The following B4GALNT3 variants were observed in gnomAD, a reference collection of about 807,000 sequenced individuals.
B4GALNT3 encodes beta-1,4-N-acetyl-galactosaminyltransferase 3.
Under a neutral mutation model 120.2 loss-of-function variants are expected in B4GALNT3, and 86 were observed. The ratio of observed to expected loss-of-function variants is 0.72; its 90% CI spans 0.60 to 0.86. The LOEUF is 0.86. Ranked by LOEUF, B4GALNT3 falls within the 40% of genes least tolerant of loss-of-function variation. The pLI, the probability that B4GALNT3 is intolerant of heterozygous loss-of-function variation, is 0.00. For synonymous variants in B4GALNT3, 518 were observed against 510.4 expected, an observed-to-expected ratio of 1.01 and a Z score of -0.20; for missense variants, 1,167 against 1,298.9, an observed-to-expected ratio of 0.90 and a Z score of 1.56.
chr12:557,391 G>A (rs2075028), intron 15 of B4GALNT3, among the ~76,000 whole-genome samples: 14,842 of 152,142 alleles, frequency 0.098, 1,027 homozygotes, highest in East Asian at 0.23. Context: ...AGGAGGGAAC[G>A]TGGGGAGCAG....
Position 556,737 on chromosome 12 carries a change from C to G in B4GALNT3, c.2251C>G (p.Gln751Glu). 6.2e-7 allele frequency: 1 copy of G among 1,612,802 alleles called. No homozygotes were observed. Among genetic ancestry groups the G allele is most frequent in the South Asian group, 1.1e-5 (1 of 90,918 alleles). ...GGAGGAGGTCGAGGCCCGGAACCTG[C>G]AAGGCCTGGTCTGGGACCCACACAA... ...GGEEVEARNL[Q>E]GLVWDPHNRR... is the part of the protein sequence containing the mutation. The change falls in exon 15 of 20, where the codon CAA becomes GAA. Residue 751 changes from glutamine to glutamate, a missense_variant. Physicochemically the swap from Gln to Glu is conservative, Grantham distance 29 (BLOSUM62 2). Coordinates refer to ENST00000266383, the MANE Select transcript of B4GALNT3 (RefSeq NM_173593.4).
intron 1 of B4GALNT3, among the ~76,000 whole-genome samples, chr12:469,851 T>A (rs1030801713): frequency 1.3e-5 from 2 of 152,174 alleles, no homozygotes; most frequent in Non-Finnish European, 2.9e-5. Flanking sequence ...GGGGTCTCAC[T>A]ATGTTGCTCA....
chr12:539,224 T>C (rs1382381438), intron 3 of B4GALNT3, among the ~76,000 whole-genome samples: 2 of 152,218 alleles, frequency 1.3e-5, no homozygotes, highest in Non-Finnish European at 2.9e-5. Flanking sequence ...CTGGGCTTCA[T>C]GGAGTGACTG....
At chr12:545,516 G>A (rs1393536815) in intron 6 of B4GALNT3, 47 bp downstream of exon 6, 10 of 1,504,014 alleles carry the variant, frequency 6.6e-6, no homozygotes, top group African/African-American at 1.4e-5. Context: ...CCTGGAGCCT[G>A]TTCATTGAGT....
chr12:483,125 G>A (rs1798559531), intron 1 of B4GALNT3, among the ~76,000 whole-genome samples: 1 of 151,906 alleles, frequency 6.6e-6, no homozygotes, highest in Non-Finnish European at 1.5e-5. Flanking sequence ...GCCCAGGCTG[G>A]TCTTGAACTC....
intron 1 of B4GALNT3, among the ~76,000 whole-genome samples, chr12:527,700 G>T (rs1565603181): frequency 2.0e-5 from 3 of 152,190 alleles, no homozygotes; most frequent in Non-Finnish European, 4.4e-5. Flanking sequence ...CAGGGGCAGT[G>T]TCTGCTTGCA....
intron 9 of B4GALNT3, 148 bp from the exon 10 acceptor site, chr12:549,621 G>A: frequency 9.8e-7 from 1 of 1,021,102 alleles, no homozygotes; most frequent in African/African-American, 1.6e-5. Context: ...CTGTGGCGGG[G>A]GCCAGAGGGA....
intron 1 of B4GALNT3, among the ~76,000 whole-genome samples, chr12:513,112 T>C (rs1445010296): frequency 1.6e-5 from 2 of 126,246 alleles, no homozygotes; most frequent in Admixed American, 1.5e-4. Flanking sequence ...ACCTTCTGCC[T>C]TCCTTCCACC....
At chr12:495,483 G>A (rs1946380135) in intron 1 of B4GALNT3, among the ~76,000 whole-genome samples, 2 of 152,212 alleles carry the variant, frequency 1.3e-5, no homozygotes, top group African/African-American at 4.8e-5. Flanking sequence ...GCATGCAATA[G>A]GTGAGGTAAA....
chr12:545,919 C>A (rs547787842), intron 6 of B4GALNT3, among the ~76,000 whole-genome samples: 6 of 5,428 alleles, frequency 1.1e-3, no homozygotes, highest in African/African-American at 3.8e-3. Flanking sequence ...TGGGGAGGTG[C>A]GAGGAGTGGG....
chr12:553,373 G>A lies in B4GALNT3; in HGVS notation c.1450G>A (p.Glu484Lys), dbSNP rs1471180121. The change falls in exon 14 of 20, where the codon GAG becomes AAG. Residue 484 changes from glutamate (E) to lysine (K), a missense_variant. By Grantham distance (56) the Glu-to-Lys change is moderately conservative. This residue lies in a region of B4GALNT3 where 983 missense variants were observed against 1,102.5 expected (regional missense o/e 0.89). Coordinates refer to ENST00000266383, the MANE Select transcript of B4GALNT3 (RefSeq NM_173593.4). ...GCGGAAACTCCTGGCTCAGCCCCGG[G>A]AGGGCCTGCTGGCCCCCTTCTCCAA... Reference protein sequence around the residue: ...SLRKLLAQPREGLLAPFSKRN... With the variant: ...SLRKLLAQPRKGLLAPFSKRN... 2 of 1,613,842 alleles carry A rather than the reference G, an allele frequency of 1.2e-6. No homozygotes were observed. Among genetic ancestry groups the A allele is most frequent in the East Asian group, 2.2e-5 (1 of 44,880 alleles).
chr12:514,617 C>CT (rs1230194342), intron 1 of B4GALNT3, among the ~76,000 whole-genome samples: 1 of 151,952 alleles, frequency 6.6e-6, no homozygotes, highest in Non-Finnish European at 1.5e-5. Context: ...AGAAGAGATG[C>CT]TTTTTTTTCT....
chr12:522,290 C>T (rs921047265), intron 1 of B4GALNT3, among the ~76,000 whole-genome samples: 1 of 152,112 alleles, frequency 6.6e-6, no homozygotes, highest in Non-Finnish European at 1.5e-5. Flanking sequence ...GAATGGATAA[C>T]CAAAATGTGG....
chr12:531,476 C>T (rs1946807531), intron 1 of B4GALNT3, among the ~76,000 whole-genome samples: 1 of 151,964 alleles, frequency 6.6e-6, no homozygotes, highest in African/African-American at 2.4e-5. Context: ...TAGAAAGACC[C>T]CATCTCTAAA....
chr12:558,648 C>G lies in B4GALNT3; in HGVS notation c.2748C>G (p.Pro916=). Residue 916 remains proline, a synonymous_variant, in exon 18 of 20, where the codon CCC becomes CCG. Coordinates refer to ENST00000266383, the MANE Select transcript of B4GALNT3 (RefSeq NM_173593.4). ...TGAGGCTGCATTGTGGGGCCACCCC[C>G]CAGTGGCCTGAGGGTGAGCCCTGCT... ...MVMRLHCGAT[P]QWPEGYWEVN... 6.2e-7 allele frequency: 1 copy of G among 1,613,948 alleles called. No homozygotes were observed. Among genetic ancestry groups the G allele is most frequent in the Non-Finnish European group, 8.5e-7 (1 of 1,179,972 alleles).
Position 460,368 on chromosome 12 carries a change from C to T in B4GALNT3, c.-9C>T, listed in dbSNP as rs898124885. The T allele has an allele frequency of 4.8e-5, 63 of 1,308,932 alleles. No individual in the cohort carries two copies. In the African/African-American group the frequency reaches 9.0e-4, roughly 19 times the overall value. 81.1% of individuals were successfully genotyped at this position (1,308,932 alleles called of 1,614,324 possible). A position where few individuals can be genotyped will look rare whatever the true frequency, so the allele number is the denominator to read the frequency against. Reference sequence around the variant, plus strand: ...CCCGCGCTGGCGGCGGCCGCCTCGGCGCAGCGCCATGGGGAGCCCCCGGGC... The same window carrying T: ...CCCGCGCTGGCGGCGGCCGCCTCGGTGCAGCGCCATGGGGAGCCCCCGGGC... On this transcript the variant is annotated 5_prime_UTR_variant, in exon 1 of 20. Transcript: ENST00000266383. This position sits in a 1 kb window ranked among gnomAD's most constrained non-coding sequence, Gnocchi z 8.0.
chr12:541,188 C>T (rs1449267910), intron 3 of B4GALNT3, among the ~76,000 whole-genome samples: 2 of 152,190 alleles, frequency 1.3e-5, no homozygotes, highest in Non-Finnish European at 2.9e-5. Flanking sequence ...CCGGCAGGGC[C>T]GGTGGATATT....
rs377452956 is a variant in B4GALNT3 at position 548,309 on chromosome 12, C to A, written c.853+12C>A. 161 of 1,613,084 alleles carry A rather than the reference C, an allele frequency of 1.0e-4. 3 individuals carry two copies. The East Asian group carries it at 1.8e-3, about 18-fold the overall frequency. The stretch of plus-strand genomic sequence containing the variant: ...GTCCCTCTTCACAAGTGAGTAGGCT[C>A]TGGCCCTGCCCTGGAGATGGAGGCC... On this transcript the variant is annotated intron_variant, in intron 9 of 19. Transcript: ENST00000266383. The surrounding 1 kb of genome is among the most constrained non-coding windows in gnomAD (Gnocchi z 4.9).
In B4GALNT3 at chr12:459,956, G is replaced by A. The variant is rs1186257675; in HGVS notation, c.-421G>A. Among the ~76,000 whole-genome samples the A allele has an allele frequency of 8.6e-5, 13 of 150,988 alleles. No individual in the cohort carries two copies. The highest frequency in any genetic ancestry group is 2.9e-4 in the African/African-American group (12 of 41,066). ...GGCGGGCCAGGTTCCGCGAGCAGGA[G>A]AGCCCAGAGCCCGGAGCCCGGTCCG... On this transcript the variant is annotated 5_prime_UTR_variant, in exon 1 of 20. Coordinates refer to ENST00000266383, the MANE Select transcript of B4GALNT3 (RefSeq NM_173593.4).
Sources: allele counts gnomAD v4.1 joint callset (sites outside exome capture counted in the v4.1 genomes callset), GRCh38; gene constraint gnomAD v4.1.1; regional missense constraint gnomAD v4.1.1; non-coding constraint Gnocchi (gnomAD v3.1); transcripts MANE v1.5; gene names NCBI Gene and HGNC (gene_info 2026-07-23, HGNC 2026-07-21).